CCDC57: variants seen among roughly 807,000 people sequenced by gnomAD.
The protein encoded by CCDC57 is coiled-coil domain-containing protein 57.
In CCDC57, 118 loss-of-function variants were observed where a neutral mutation model predicts 118.9. That is an observed-to-expected ratio of 0.99 (90% CI 0.86 to 1.16). The LOEUF (loss-of-function observed/expected upper bound fraction) is 1.16. Ranked by LOEUF, CCDC57 falls within the 50% of genes most tolerant of loss-of-function variation. The pLI is 0.00. For missense variants in CCDC57, 1,300 were observed against 1,320.7 expected (o/e 0.98, Z 0.24); for synonymous variants, 527 against 532.9 (o/e 0.99, Z 0.15).
intron 18 of CCDC57, 72 bp downstream of exon 17, chr17:82,128,421 G>A (rs1002288205): frequency 1.0e-5 from 11 of 1,062,944 alleles, no homozygotes; most frequent in South Asian, 1.0e-4. Context: ...GAGGCCCAGA[G>A]CACCCAGGCC....
At chr17:82,169,930 T>C (rs566850823) in intron 13 of CCDC57, among the ~76,000 whole-genome samples, 1 of 152,220 alleles carries the variant, frequency 6.6e-6, no homozygotes, top group African/African-American at 2.4e-5. Flanking sequence ...GAGAAGATAT[T>C]TGCAACACAT....
intron 2 of CCDC57, among the ~76,000 whole-genome samples, chr17:82,204,719 C>T (rs975802416): frequency 2.6e-5 from 4 of 152,098 alleles, no homozygotes; most frequent in East Asian, 3.9e-4. Context: ...GGAGGCGAAG[C>T]TTGCAGTGAG....
At chr17:82,193,067 T>C (rs992541599) in intron 7 of CCDC57, among the ~76,000 whole-genome samples, 3 of 152,024 alleles carry the variant, frequency 2.0e-5, no homozygotes, top group African/African-American at 7.3e-5. Context: ...TTTTGTTTTG[T>C]TTTGTTTTTG....
intron 17 of CCDC57, among the ~76,000 whole-genome samples, chr17:82,130,426 C>T (rs2038154294): frequency 6.6e-6 from 1 of 151,350 alleles, no homozygotes; most frequent in Admixed American, 6.6e-5. Context: ...AACTCCTGAC[C>T]TCAAGTAATC....
At chr17:82,117,081 C>T (rs749263170) in intron 19 of CCDC57, among the ~76,000 whole-genome samples, 3 of 152,340 alleles carry the variant, frequency 2.0e-5, no homozygotes, top group South Asian at 2.1e-4. Flanking sequence ...GGGCCAGGTG[C>T]GATGGCTCAC....
chr17:82,112,942 T>C (rs1197558311), intron 19 of CCDC57: 1 of 173,800 alleles, frequency 5.8e-6, no homozygotes, highest in African/African-American at 2.4e-5. Context: ...GTCTGGTCCT[T>C]GTAACTACGG....
chr17:82,174,069 C>A (rs2045137837), intron 11 of CCDC57, among the ~76,000 whole-genome samples: 1 of 152,246 alleles, frequency 6.6e-6, no homozygotes, highest in East Asian at 1.9e-4. Flanking sequence ...CCCAACTCAA[C>A]CTTGAGTCCA....
At chr17:82,103,870 T>TC (rs2034651208) in intron 19 of CCDC57, among the ~76,000 whole-genome samples, 3 of 152,044 alleles carry the variant, frequency 2.0e-5, no homozygotes, top group African/African-American at 7.2e-5. Context: ...GCTGGCCCCC[T>TC]CCCCAGGGCA....
intron 6 of CCDC57, 53 bp from the exon 6 acceptor site, chr17:82,193,883 C>A: frequency 6.4e-7 from 1 of 1,568,424 alleles, no homozygotes; most frequent in South Asian, 1.2e-5. Flanking sequence ...AAGCAAAGAC[C>A]AGCCTGGAAT....
chr17:82,139,951 T>A (rs1568228396), intron 16 of CCDC57, among the ~76,000 whole-genome samples: 1 of 152,240 alleles, frequency 6.6e-6, no homozygotes, highest in Non-Finnish European at 1.5e-5. Flanking sequence ...ACGGCTGATG[T>A]TTTTTTAATG....
chr17:82,151,073 G>C (rs1385710582), intron 16 of CCDC57, among the ~76,000 whole-genome samples: 18 of 57,642 alleles, frequency 3.1e-4, no homozygotes, highest in Non-Finnish European at 5.6e-4. Context: ...AGAACCAGGC[G>C]CACACTCAGA....
chr17:82,166,418 G>T (rs970691906), intron 13 of CCDC57, among the ~76,000 whole-genome samples: 2 of 152,006 alleles, frequency 1.3e-5, no homozygotes, highest in Non-Finnish European at 2.9e-5. Context: ...AGCAGTCTGA[G>T]GCAGGAGGGT....
At chr17:82,188,168 C>A (rs990776067) in intron 8 of CCDC57, 51 bp downstream of exon 7, 11 of 1,471,366 alleles carry the variant, frequency 7.5e-6, no homozygotes, top group Non-Finnish European at 1.0e-5. Flanking sequence ...GTCAGCACAG[C>A]CACGGCCGTC....
In CCDC57 at chr17:82,122,705, C is replaced by A. The variant is rs541944293; in HGVS notation, c.2899+4987G>T. ...TGCAATCAACCTTCTGGCTTCGGTG[C>A]CCACCTCTGCCTCTGTCCTATTAAA... On this transcript the variant is annotated intron_variant, in intron 19 of 19. Transcript: ENST00000665763. Among the ~76,000 whole-genome samples, 44 of 152,318 alleles carry A rather than the reference C, an allele frequency of 2.9e-4. 1 individual carries two copies. The South Asian group carries it at 8.9e-3, about 31-fold the overall frequency.
chr17:82,117,419 CTGTT>C (rs2036062455), intron 19 of CCDC57, among the ~76,000 whole-genome samples: 2 of 149,054 alleles, frequency 1.3e-5, no homozygotes, highest in Non-Finnish European at 3.0e-5. Context: ...GGTGGGAGGA[CTGTT>C]TGAGCCCAGG....
chr17:82,156,922 G>A (rs950933875), intron 15 of CCDC57: 2 of 152,378 alleles, frequency 1.3e-5, no homozygotes, highest in Non-Finnish European at 2.9e-5. Flanking sequence ...GATCCACGCT[G>A]TCTTCCACTT....
At chr17:82,196,628 C>A (rs1195739635) in intron 4 of CCDC57, among the ~76,000 whole-genome samples, 1 of 152,202 alleles carries the variant, frequency 6.6e-6, no homozygotes, top group Non-Finnish European at 1.5e-5. Context: ...CAAAGCCCTT[C>A]ATCACTGCTG....
intron 19 of CCDC57, chr17:82,108,728 T>C (rs1705615203): frequency 6.6e-6 from 1 of 152,160 alleles, no homozygotes; most frequent in African/African-American, 2.4e-5. Flanking sequence ...GCTGGGCTAA[T>C]TCGTCCTGAC....
chr17:82,115,618 T>C lies in CCDC57; in HGVS notation c.2899+12074A>G, dbSNP rs116617543. 9.2e-3 allele frequency among the ~76,000 whole-genome samples: 1,400 copies of C among 151,642 alleles called. 19 individuals are homozygous for C. The highest frequency in any genetic ancestry group is 0.032 in the African/African-American group (1,337 of 41,368). On this transcript the variant is annotated intron_variant, in intron 19 of 19. Coordinates refer to ENST00000665763, the Ensembl canonical transcript of CCDC57. Reference sequence around the variant, plus strand: ...AGACCCTGTCTGTACAAAAAAAGTTTTTAAAAATTAGCTGGGCATGGTGGC... The same window carrying C: ...AGACCCTGTCTGTACAAAAAAAGTTCTTAAAAATTAGCTGGGCATGGTGGC...
Sources: allele counts gnomAD v4.1 joint callset (sites outside exome capture counted in the v4.1 genomes callset), GRCh38; gene constraint gnomAD v4.1.1; transcripts MANE v1.5; gene names NCBI Gene and HGNC (gene_info 2026-07-23, HGNC 2026-07-21).